Variants in SLC5A10 observed in about 807,000 individuals in gnomAD.
The protein encoded by SLC5A10 is solute carrier family 5 member 10.
SLC5A10 carries 55 observed loss-of-function variants against 68.9 expected under a neutral mutation model. That is an observed-to-expected ratio of 0.80 (90% CI 0.64 to 1.00). The LOEUF is 1.00. SLC5A10 is among the 50% of genes least tolerant of loss of function. The pLI is 0.00. For synonymous variants in SLC5A10, 344 were observed against 344.8 expected (o/e 1.00, Z 0.02); for missense variants, 732 against 819.3 (o/e 0.89, Z 1.30).
rs1379813755 is a variant in SLC5A10 at position 18,996,125 on chromosome 17, A to G, written c.983-17285A>G. Among the ~76,000 whole-genome samples, 1 of 148,038 alleles carries G rather than the reference A, an allele frequency of 6.8e-6. No homozygotes were observed. The highest frequency in any genetic ancestry group is 1.5e-5 in the Non-Finnish European group (1 of 67,484). On this transcript the variant is annotated intron_variant, in intron 9 of 14. Coordinates refer to ENST00000395645, the MANE Select transcript of SLC5A10 (RefSeq NM_001042450.4). The surrounding 1 kb of genome is among the most constrained non-coding windows in gnomAD (Gnocchi z 4.4). Reference sequence around the variant, plus strand: ...ACAAGACAACAGGCAATATCTTTAAAGTACTAAATGGAAAAAAAAAAAAAT... The same window carrying G: ...ACAAGACAACAGGCAATATCTTTAAGGTACTAAATGGAAAAAAAAAAAAAT...
chr17:19,005,067 T>TCAA (rs992793105), intron 9 of SLC5A10, among the ~76,000 whole-genome samples: 3 of 152,150 alleles, frequency 2.0e-5, no homozygotes, highest in African/African-American at 7.2e-5. Context: ...TGATCCTGGA[T>TCAA]CAACCCTGGC....
intron 9 of SLC5A10, among the ~76,000 whole-genome samples, chr17:19,006,113 A>T (rs1352157863): frequency 6.6e-6 from 1 of 152,212 alleles, no homozygotes; most frequent in Non-Finnish European, 1.5e-5. Context: ...ATGAGCAGGA[A>T]GGTTGTATGC....
chr17:18,996,301 G>A lies in SLC5A10; in HGVS notation c.983-17109G>A, dbSNP rs972872973. 6.6e-6 allele frequency among the ~76,000 whole-genome samples: 1 copy of A among 152,146 alleles called. No homozygotes were observed. The highest frequency in any genetic ancestry group is 1.5e-5 in the Non-Finnish European group (1 of 68,018). On this transcript the variant is annotated intron_variant, in intron 9 of 14. Transcript: ENST00000395645. This position sits in a 1 kb window ranked among gnomAD's most constrained non-coding sequence, Gnocchi z 4.4. Reference sequence around the variant, plus strand: ...AACCCCCTCCTCCAGCAGCACGGTTGGGACAGACGTGGCTGCAGCACCTCA... The same window carrying A: ...AACCCCCTCCTCCAGCAGCACGGTTAGGACAGACGTGGCTGCAGCACCTCA...
Position 19,017,155 on chromosome 17 carries a change from C to A in SLC5A10, c.1241+1956C>A. ...CCTCCCTGAGGAGCAAGGCACAAGG[C>A]TGCGTGGTGCAGGGCAGGTTGCTCA... On this transcript the variant is annotated intron_variant, in intron 11 of 14. Transcript: ENST00000395645. The surrounding 1 kb of genome is among the most constrained non-coding windows in gnomAD (Gnocchi z 5.6). 1 of 772,658 alleles carries A rather than the reference C, an allele frequency of 1.3e-6. No individual in the cohort carries two copies. Among genetic ancestry groups the A allele is most frequent in the Non-Finnish European group, 2.1e-6 (1 of 468,814 alleles). The allele number at this position is 772,658 out of a possible 1,614,324, so 47.9% of individuals were successfully genotyped here.
At chr17:18,993,344 G>GCCC (rs2043478941) in intron 9 of SLC5A10, among the ~76,000 whole-genome samples, 1 of 152,150 alleles carries the variant, frequency 6.6e-6, no homozygotes. Context: ...CGTCACTCTG[G>GCCC]CCTGTCTGGG....
chr17:18,953,939 A>C (rs989298304), intron 1 of SLC5A10: 6 of 152,252 alleles, frequency 3.9e-5, no homozygotes, highest in Non-Finnish European at 7.3e-5. Flanking sequence ...ATGTGATTAA[A>C]TATTAACTCA....
At position 19,003,804 on chromosome 17, in the gene SLC5A10, C is replaced by G; in HGVS notation, c.983-9606C>G. Reference sequence around the variant, plus strand: ...TGAGAGGGGCCCGTGCCCCGAGGGTCCTCAGAGCCCGGGTCGTACACCTCG... The same window carrying G: ...TGAGAGGGGCCCGTGCCCCGAGGGTGCTCAGAGCCCGGGTCGTACACCTCG... On this transcript the variant is annotated intron_variant, in intron 9 of 14. Transcript: ENST00000395645. This position sits in a 1 kb window ranked among gnomAD's most constrained non-coding sequence, Gnocchi z 4.5. 6.2e-7 allele frequency: 1 copy of G among 1,612,694 alleles called. No homozygotes were observed. The highest frequency in any genetic ancestry group is 8.5e-7 in the Non-Finnish European group (1 of 1,179,806).
chr17:18,987,038 A>G (rs2043287593), intron 9 of SLC5A10, among the ~76,000 whole-genome samples: 1 of 152,146 alleles, frequency 6.6e-6, no homozygotes, highest in African/African-American at 2.4e-5. Flanking sequence ...AGTGCTCACA[A>G]CCACTTGAAA....
chr17:19,006,403 C>CTTTTTTTT (rs532718554), intron 9 of SLC5A10, among the ~76,000 whole-genome samples: 55 of 138,432 alleles, frequency 4.0e-4, no homozygotes, highest in Non-Finnish European at 5.8e-4. Context: ...TTTCTTTTTT[C>CTTTTTTTT]TTTTTTTTTT....
intron 9 of SLC5A10, among the ~76,000 whole-genome samples, chr17:18,983,345 C>A (rs2043186190): frequency 6.6e-6 from 1 of 152,262 alleles, no homozygotes; most frequent in East Asian, 1.9e-4. Flanking sequence ...GGTCCCACAG[C>A]AGGTCAACAG....
intron 9 of SLC5A10, among the ~76,000 whole-genome samples, chr17:18,998,103 T>TC (rs2152138668): frequency 6.6e-6 from 1 of 152,346 alleles, no homozygotes; most frequent in African/African-American, 2.4e-5. Flanking sequence ...GGCAAGGTAC[T>TC]CGAGCCCAGG....
intron 5 of SLC5A10, among the ~76,000 whole-genome samples, chr17:18,964,914 G>A (rs1167398742): frequency 1.3e-5 from 2 of 152,046 alleles, no homozygotes; most frequent in Admixed American, 6.6e-5. Flanking sequence ...AGGCCGAGGC[G>A]GGTGGATCAC....
chr17:18,954,803 T>C lies in SLC5A10; in HGVS notation c.111+2487T>C, dbSNP rs371890057. 1.6e-4 allele frequency among the ~76,000 whole-genome samples: 24 copies of C among 152,342 alleles called. 1 individual carries two copies. In the East Asian group the frequency reaches 2.1e-3, roughly 13 times the overall value. ...TATAGGAAATGTAGGCCGGGCGCAG[T>C]GGCTCATGCCTGTAATCCCAGCACT... On this transcript the variant is annotated intron_variant, in intron 1 of 14. Coordinates refer to ENST00000395645, the MANE Select transcript of SLC5A10 (RefSeq NM_001042450.4).
intron 1 of SLC5A10, among the ~76,000 whole-genome samples, chr17:18,956,259 T>C (rs952956791): frequency 6.6e-6 from 1 of 151,510 alleles, no homozygotes; most frequent in Non-Finnish European, 1.5e-5. Flanking sequence ...GATAAAGCTT[T>C]GAATGGTGAG....
At chr17:19,014,938 G>A in intron 10 of SLC5A10, 111 bp from the exon 11 acceptor site, 1 of 1,328,688 alleles carries the variant, frequency 7.5e-7, no homozygotes, top group Non-Finnish European at 1.0e-6. Flanking sequence ...CCTCTGCCTT[G>A]GAGGAGCATG....
intron 9 of SLC5A10, chr17:18,986,033 G>C (rs1349713551): frequency 6.6e-6 from 1 of 152,338 alleles, no homozygotes; most frequent in Admixed American, 6.5e-5. Context: ...CATCACTATG[G>C]CCATGGGGCA....
In SLC5A10 at chr17:18,977,900, G is replaced by A. The variant is rs368202632; in HGVS notation, c.982+911G>A. 3.7e-6 allele frequency: 6 copies of A among 1,610,560 alleles called. No individual in the cohort carries two copies. The African/African-American group carries it at 6.7e-5, about 18-fold the overall frequency. On this transcript the variant is annotated intron_variant, in intron 9 of 14. Transcript: ENST00000395645. The stretch of plus-strand genomic sequence containing the variant: ...TGAGTGGCTGTCCTGGTCACTGAGG[G>A]TTACGTAGTCGTCATCATCTTCTTC...
At position 18,956,511 on chromosome 17, in the gene SLC5A10, C is replaced by T. The variant is rs1326371461; in HGVS notation, c.112-2171C>T. 4.8e-5 allele frequency among the ~76,000 whole-genome samples: 6 copies of T among 124,578 alleles called. No individual in the cohort carries two copies. The East Asian group carries it at 1.6e-3, about 33-fold the overall frequency. The allele number at this position is 124,578 out of a possible 152,430, so 81.7% of individuals were successfully genotyped here. A position where few individuals can be genotyped will look rare whatever the true frequency, so the allele number is the denominator to read the frequency against. On this transcript the variant is annotated intron_variant, in intron 1 of 14. Coordinates refer to ENST00000395645, the MANE Select transcript of SLC5A10 (RefSeq NM_001042450.4). ...TTCTGTTTTGAGACAGAGTCTTGCT[C>T]TGCAGCCCAGGCTGGAGGGCAGTGG...
At chr17:18,960,078 G>A (rs1209786145) in intron 4 of SLC5A10, among the ~76,000 whole-genome samples, 2 of 152,118 alleles carry the variant, frequency 1.3e-5, no homozygotes, top group African/African-American at 4.8e-5. Context: ...ACAATTGGCT[G>A]CACCATCGTC....
Sources: gnomAD v4.1 joint callset for allele counts (sites outside exome capture counted in the v4.1 genomes callset) on GRCh38, gnomAD v4.1.1 for gene constraint, Gnocchi (gnomAD v3.1) non-coding constraint, MANE v1.5 for transcripts, NCBI Gene and HGNC (gene_info 2026-07-23, HGNC 2026-07-21) for gene names.